Variants in DAB1 observed in about 807,000 individuals in gnomAD.
The protein encoded by DAB1 is DAB adaptor protein 1.
In DAB1, 15 loss-of-function variants were observed where a neutral mutation model predicts 64.6. The observed-to-expected ratio is 0.23, with a 90% CI of 0.16 to 0.36. The LOEUF (loss-of-function observed/expected upper bound fraction) is 0.36. Among genes scored for constraint, DAB1 ranks in the 10% least tolerant of loss-of-function variants. DAB1 has a pLI of 1.00. For synonymous variants in DAB1, 235 were observed against 251.9 expected (o/e 0.93, Z 0.64); for missense variants, 596 against 706.7 (o/e 0.84, Z 1.78).
At chr1:58,427,944 G>T (rs1372296615) in intron 3 of DAB1, among the ~76,000 whole-genome samples, 1 of 152,270 alleles carries the variant, frequency 6.6e-6, no homozygotes, top group Middle Eastern at 3.4e-3. Flanking sequence ...TAATACATTT[G>T]CAAATCCATG....
intron 7 of DAB1, among the ~76,000 whole-genome samples, chr1:57,552,326 G>A (rs1490512938): frequency 2.0e-5 from 3 of 152,180 alleles, no homozygotes; most frequent in Non-Finnish European, 2.9e-5. Flanking sequence ...GTTAGACACT[G>A]TGGATACAGA....
Position 57,868,564 on chromosome 1 carries a change from A to C in DAB1, n.87+15435T>G, listed in dbSNP as rs946385439. On this transcript the variant is annotated intron_variant and non_coding_transcript_variant, in intron 1 of 1. Coordinates refer to the DAB1 transcript ENST00000477280. ...TGTGGAGAGCTGTCTTGTGTATTTT[A>C]GGATATTTTACAGCCCAAACAAATC... 9.9e-5 allele frequency among the ~76,000 whole-genome samples: 15 copies of C among 152,226 alleles called. No individual in the cohort carries two copies. In the South Asian group the frequency reaches 1.2e-3, roughly 13 times the overall value.
intron 3 of DAB1, among the ~76,000 whole-genome samples, chr1:58,406,660 A>T (rs1380383798): frequency 6.6e-6 from 1 of 151,974 alleles, no homozygotes; most frequent in African/African-American, 2.4e-5. Flanking sequence ...TCCTGTTCTG[A>T]TTCCCTCTGA....
At chr1:57,685,339 G>C (rs1047735857) in intron 6 of DAB1, among the ~76,000 whole-genome samples, 1 of 151,556 alleles carries the variant, frequency 6.6e-6, no homozygotes, top group East Asian at 1.9e-4. Flanking sequence ...ATGATAAAGG[G>C]TACAATTTAA....
At chr1:57,353,257 A>C (rs542012746) in intron 1 of DAB1, among the ~76,000 whole-genome samples, 1 of 151,952 alleles carries the variant, frequency 6.6e-6, no homozygotes, top group Non-Finnish European at 1.5e-5. Flanking sequence ...TATTCAGCAG[A>C]TATTCACTGA....
At chr1:57,155,026 A>T (rs547124774) in intron 2 of DAB1, among the ~76,000 whole-genome samples, 10 of 152,272 alleles carry the variant, frequency 6.6e-5, no homozygotes, top group Admixed American at 6.5e-4. Context: ...TTTTAGCTTG[A>T]TGTGATCCCA....
chr1:57,692,837 C>G (rs907239982), intron 6 of DAB1, among the ~76,000 whole-genome samples: 1 of 152,092 alleles, frequency 6.6e-6, no homozygotes, highest in African/African-American at 2.4e-5. Flanking sequence ...TGTTTTTACA[C>G]TAACCAGTCA....
chr1:57,114,895 A>G (rs762205278), intron 4 of DAB1, among the ~76,000 whole-genome samples: 4 of 152,148 alleles, frequency 2.6e-5, no homozygotes, highest in Admixed American at 6.5e-5. Flanking sequence ...AATCATCACC[A>G]TGTTGCTTAA....
intron 5 of DAB1, among the ~76,000 whole-genome samples, chr1:57,980,779 C>A (rs867262925): frequency 6.6e-6 from 1 of 151,892 alleles, no homozygotes; most frequent in Admixed American, 6.6e-5. Context: ...GAAAGCAGTT[C>A]GGCAGTATGT....
At chr1:58,447,418 T>C (rs1207977962) in intron 3 of DAB1, among the ~76,000 whole-genome samples, 4 of 152,212 alleles carry the variant, frequency 2.6e-5, no homozygotes, top group Admixed American at 6.5e-5. Context: ...TAAACTTTCC[T>C]GCTATGTACC....
At chr1:57,514,579 A>G (rs139253486) in intron 7 of DAB1, among the ~76,000 whole-genome samples, 3 of 152,376 alleles carry the variant, frequency 2.0e-5, no homozygotes, top group African/African-American at 7.2e-5. Context: ...CTAATATTCA[A>G]CAAAGATATA....
intron 7 of DAB1, among the ~76,000 whole-genome samples, chr1:57,600,639 T>C (rs955407992): frequency 3.3e-5 from 5 of 152,140 alleles, no homozygotes; most frequent in African/African-American, 1.2e-4. Flanking sequence ...TAAATCCCAG[T>C]CACTGAAAGC....
At chr1:57,791,080 A>C (rs1202695790) in intron 6 of DAB1, among the ~76,000 whole-genome samples, 1 of 152,234 alleles carries the variant, frequency 6.6e-6, no homozygotes, top group East Asian at 1.9e-4. Flanking sequence ...CATTATGTGT[A>C]GGATTCTGTG....
rs967466528 is a variant in DAB1, at chr1:58,536,385, GAAA to G, written n.33-9053_33-9051del. The G allele has an allele frequency of 6.7e-6, 4 of 597,572 alleles. No homozygotes were observed. The African/African-American group carries it at 7.6e-5, about 11-fold the overall frequency. 37.0% of individuals were successfully genotyped at this position (597,572 alleles called of 1,614,324 possible). ...AGTGTGAAAGGTCTGAGGCCTTCGGGAAAAAAAAATGCTAATTTCATATCAAAG... is the reference window on the plus strand; with the variant it reads ...AGTGTGAAAGGTCTGAGGCCTTCGGGAAAAAATGCTAATTTCATATCAAAG... On this transcript the variant is annotated intron_variant and non_coding_transcript_variant, in intron 1 of 20. Transcript: ENST00000485760.
intron 2 of DAB1, among the ~76,000 whole-genome samples, chr1:58,513,283 T>C (rs1402360954): frequency 6.6e-6 from 1 of 152,152 alleles, no homozygotes; most frequent in Non-Finnish European, 1.5e-5. Flanking sequence ...CCTTCCACCA[T>C]GATTATAAGT....
chr1:57,975,668 A>C (rs79549145), intron 5 of DAB1, among the ~76,000 whole-genome samples: 1 of 152,206 alleles, frequency 6.6e-6, no homozygotes, highest in Non-Finnish European at 1.5e-5. Context: ...AATACAGCTG[A>C]GAACAAAGGC....
At chr1:58,305,435 A>C (rs2100467285) in intron 4 of DAB1, among the ~76,000 whole-genome samples, 1 of 152,294 alleles carries the variant, frequency 6.6e-6, no homozygotes, top group East Asian at 1.9e-4. Flanking sequence ...CAGTACTAAA[A>C]TCTGTATCTT....
At chr1:57,812,221 G>A (rs1651656869) in intron 6 of DAB1, among the ~76,000 whole-genome samples, 3 of 151,082 alleles carry the variant, frequency 2.0e-5, no homozygotes, top group South Asian at 4.2e-4. Flanking sequence ...TATTCCAGAG[G>A]GAAGAGTCCA....
intron 7 of DAB1, chr1:57,070,791 G>A (rs1464207539): frequency 7.2e-6 from 4 of 553,002 alleles, no homozygotes; most frequent in Admixed American, 3.2e-5. Context: ...CGAGGCAGAG[G>A]CAAGAAGGGA....
Sources: allele counts gnomAD v4.1 joint callset (sites outside exome capture counted in the v4.1 genomes callset), GRCh38; gene constraint gnomAD v4.1.1; transcripts MANE v1.5; gene names NCBI Gene and HGNC (gene_info 2026-07-23, HGNC 2026-07-21).